Variants in ANK1 observed in about 807,000 individuals in gnomAD.
ANK1 encodes ankyrin-1.
ANK1 carries 51 observed loss-of-function variants against 210.4 expected under a neutral mutation model. The ratio of observed to expected loss-of-function variants is 0.24; its 90% confidence interval spans 0.19 to 0.31. The LOEUF (loss-of-function observed/expected upper bound fraction) is 0.31, where lower values mean the gene tolerates loss of function less well. ANK1 is among the 10% of genes least tolerant of loss of function. ANK1 has a pLI of 1.00. For missense variants in ANK1, 2,051 were observed against 2,504.4 expected, an observed-to-expected ratio of 0.82 and a Z score of 3.86; for synonymous variants, 967 against 1,025.9, an observed-to-expected ratio of 0.94 and a Z score of 1.10.
At chr8:41,866,282 T>C (rs1444257192) in intron 1 of ANK1, among the ~76,000 whole-genome samples, 1 of 152,246 alleles carries the variant, frequency 6.6e-6, no homozygotes, top group African/African-American at 2.4e-5. Context: ...CTTGATCACC[T>C]GGGCTCAAGC....
At chr8:41,803,003 A>AAGAAAG (rs1268480151) in intron 1 of ANK1, among the ~76,000 whole-genome samples, 1 of 47,752 alleles carries the variant, frequency 2.1e-5, no homozygotes, top group African/African-American at 8.1e-5. Context: ...GAGAGAAAGA[A>AAGAAAG]AGAAAGAAAG....
chr8:41,724,327 C>A (rs1489913297), intron 7 of ANK1, 129 bp downstream of exon 7: 2 of 812,768 alleles, frequency 2.5e-6, no homozygotes, highest in Non-Finnish European at 4.1e-6. Flanking sequence ...GCAAGGAGCC[C>A]GACCAGACAG....
chr8:41,753,356 G>A (rs765953964), intron 2 of ANK1, among the ~76,000 whole-genome samples: 5 of 151,908 alleles, frequency 3.3e-5, no homozygotes, highest in African/African-American at 4.8e-5. Flanking sequence ...ATGAGCTATC[G>A]CGCCCGGCCT....
At chr8:41,879,524 GAGTGCAATGC>G (rs1817206022) in intron 1 of ANK1, among the ~76,000 whole-genome samples, 2 of 152,280 alleles carry the variant, frequency 1.3e-5, no homozygotes, top group South Asian at 4.1e-4. Flanking sequence ...CTCATTCAAG[GAGTGCAATGC>G]CAGAGAGATG....
At chr8:41,847,943 C>T (rs1339633330) in intron 1 of ANK1, among the ~76,000 whole-genome samples, 2 of 152,194 alleles carry the variant, frequency 1.3e-5, no homozygotes, top group East Asian at 1.9e-4. Context: ...CCGAGGCGGG[C>T]AGATCACTTG....
At chr8:41,858,099 G>A (rs1479007859) in intron 1 of ANK1, among the ~76,000 whole-genome samples, 1 of 151,966 alleles carries the variant, frequency 6.6e-6, no homozygotes, top group Non-Finnish European at 1.5e-5. Context: ...CAGGTTGGTG[G>A]CATGTACCTG....
chr8:41,833,482 G>A (rs917122396), intron 1 of ANK1, among the ~76,000 whole-genome samples: 1 of 152,204 alleles, frequency 6.6e-6, no homozygotes, highest in Non-Finnish European at 1.5e-5. Flanking sequence ...CTAAGCAGCT[G>A]GTCTCCATCT....
At chr8:41,682,350 G>A (rs558200886) in intron 37 of ANK1, among the ~76,000 whole-genome samples, 50 of 152,302 alleles carry the variant, frequency 3.3e-4, no homozygotes, top group African/African-American at 8.7e-4. Context: ...CCCTGGCCCC[G>A]ACTCCGGTCT....
chr8:41,684,561 G>A lies in ANK1; in HGVS notation c.4520C>T (p.Ser1507Leu). Residue 1507 changes from serine (S) to leucine (L), a missense_variant, in exon 37 of 43, where the codon TCA becomes TTA. Physicochemically the swap from Ser to Leu is moderately radical, Grantham distance 145. Around this residue, in one of 6 missense-constraint regions of ANK1, gnomAD observed 496 missense variants for 533.4 expected, o/e 0.93. Transcript: ENST00000289734. Reference sequence around the variant, plus strand: ...ACACTCACCATTCATCTGGGAGGGTGACAGCGAGTAGTCGCGGTCGGTGTG... The same window carrying A: ...ACACTCACCATTCATCTGGGAGGGTAACAGCGAGTAGTCGCGGTCGGTGTG... ...RRHTDRDYSL[S>L]PSQMNGYSSL... 6.2e-7 allele frequency: 1 copy of A among 1,613,832 alleles called. No homozygotes were observed. The highest frequency in any genetic ancestry group is 8.5e-7 in the Non-Finnish European group (1 of 1,180,044).
chr8:41,658,897 T>TATAAATAA (rs71239072), intron 42 of ANK1, among the ~76,000 whole-genome samples: 1,869 of 148,630 alleles, frequency 0.013, 24 homozygotes, highest in Middle Eastern at 0.038. Context: ...CCTCTCAAAA[T>TATAAATAA]ATAAATAAAT....
chr8:41,765,954 G>A (rs1444523982), intron 1 of ANK1, among the ~76,000 whole-genome samples: 1 of 152,166 alleles, frequency 6.6e-6, no homozygotes, highest in East Asian at 1.9e-4. Context: ...TTCTCTGGGG[G>A]TTGGGGTGGC....
At chr8:41,875,651 T>A (rs1398681737) in intron 1 of ANK1, among the ~76,000 whole-genome samples, 1 of 152,192 alleles carries the variant, frequency 6.6e-6, no homozygotes, top group East Asian at 1.9e-4. Context: ...GATGATGGAA[T>A]GAATCTGGGT....
intron 6 of ANK1, 145 bp downstream of exon 6, chr8:41,725,616 T>TGAGG: frequency 8.7e-7 from 1 of 1,143,270 alleles, no homozygotes; most frequent in Non-Finnish European, 1.2e-6. Context: ...GGGGCCCCTC[T>TGAGG]GCGTCCTGGG....
intron 37 of ANK1, among the ~76,000 whole-genome samples, chr8:41,680,404 A>C (rs1287266130): frequency 6.6e-6 from 1 of 152,034 alleles, no homozygotes; most frequent in Non-Finnish European, 1.5e-5. Context: ...TCTCTACTAA[A>C]ATATAAAAAT....
chr8:41,678,814 G>T (rs532334249), intron 37 of ANK1, among the ~76,000 whole-genome samples: 1 of 152,048 alleles, frequency 6.6e-6, no homozygotes, highest in Non-Finnish European at 1.5e-5. Flanking sequence ...ACAGAGTCTC[G>T]CTTTTGTTGC....
rs1302329705 is a variant in ANK1, at chr8:41,790,482, TCAGGGAGCTCAGG to T, written c.27+7017_27+7029del. Among the ~76,000 whole-genome samples, 9 of 152,030 alleles carry T rather than the reference TCAGGGAGCTCAGG, an allele frequency of 5.9e-5. No individual in the cohort carries two copies. In the East Asian group the frequency reaches 1.8e-3, roughly 30 times the overall value. On this transcript the variant is annotated intron_variant, in intron 1 of 42. Transcript: ENST00000289734. ...TCTTGAGCCCAGTCACTATCCTAAG[TCAGGGAGCTCAGG>T]GAGCTCAGGGAGCGAGCTTCCCCTT...
chr8:41,896,314 G>T, intron 1 of ANK1: 3 of 1,575,480 alleles, frequency 1.9e-6, no homozygotes, highest in Non-Finnish European at 2.6e-6. Context: ...GCCACTTGCA[G>T]GTGCCGCGGT....
At chr8:41,815,391 T>A (rs1361724886) in intron 1 of ANK1, among the ~76,000 whole-genome samples, 3 of 152,160 alleles carry the variant, frequency 2.0e-5, no homozygotes, top group Non-Finnish European at 4.4e-5. Context: ...TAGTTTTGCA[T>A]CAGTGTACTT....
At chr8:41,824,837 G>A (rs1223515760) in intron 1 of ANK1, among the ~76,000 whole-genome samples, 1 of 152,212 alleles carries the variant, frequency 6.6e-6, no homozygotes, top group African/African-American at 2.4e-5. Context: ...TGAGCTCACA[G>A]AGCGTGAAGG....
Sources: allele counts gnomAD v4.1 joint callset (sites outside exome capture counted in the v4.1 genomes callset), GRCh38; gene constraint gnomAD v4.1.1; regional missense constraint gnomAD v4.1.1; transcripts MANE v1.5; gene names NCBI Gene and HGNC (gene_info 2026-07-23, HGNC 2026-07-21).